SGCE: variants seen among roughly 807,000 people sequenced by gnomAD.
SGCE encodes the protein epsilon-sarcoglycan.
Under a neutral mutation model 57.8 loss-of-function variants are expected in SGCE, and 26 were observed. The ratio of observed to expected loss-of-function variants is 0.45; its 90% CI spans 0.33 to 0.62. SGCE has a LOEUF of 0.62. Among genes scored for constraint, SGCE ranks in the 20% least tolerant of loss-of-function variants. The pLI, the probability that SGCE is intolerant of heterozygous loss-of-function variation, is 0.02. For missense variants in SGCE, 468 were observed against 548.6 expected, an observed-to-expected ratio of 0.85 and a Z score of 1.47; for synonymous variants, 183 against 189.5, an observed-to-expected ratio of 0.97 and a Z score of 0.28.
In SGCE at chr7:94,600,716, C is replaced by T. The variant is rs147550814; in HGVS notation, c.967G>A (p.Val323Met). Reference protein sequence around the residue: ...YYTDFLITLAVPSAVALVLFL... With the variant: ...YYTDFLITLAMPSAVALVLFL... ...AGGACCAGTGCCACTGCCGAGGGCACAGCCAGTGTAATTAGGAAATCCGTG... is the reference window on the plus strand; with the variant it reads ...AGGACCAGTGCCACTGCCGAGGGCATAGCCAGTGTAATTAGGAAATCCGTG... Residue 323 changes from valine to methionine, a missense_variant, in exon 7 of 11, where the codon GTG becomes ATG. By Grantham distance (21) the Val-to-Met change is conservative (BLOSUM62 1). Coordinates refer to ENST00000648936, the MANE Select transcript of SGCE (RefSeq NM_003919.3). 5 of 1,613,704 alleles carry T rather than the reference C, an allele frequency of 3.1e-6. No homozygotes were observed. Among genetic ancestry groups the T allele is most frequent in the Non-Finnish European group, 4.2e-6 (5 of 1,179,844 alleles).
intron 9 of SGCE, among the ~76,000 whole-genome samples, chr7:94,597,013 C>A (rs993688817): frequency 2.0e-5 from 3 of 151,988 alleles, no homozygotes; most frequent in East Asian, 3.8e-4. Flanking sequence ...TTACAATATT[C>A]TTGAAATTTT....
In SGCE at chr7:94,648,311, G is replaced by A. The variant is rs1807389862; in HGVS notation, c.109+7679C>T. 2.1e-5 allele frequency among the ~76,000 whole-genome samples: 3 copies of A among 146,298 alleles called. No individual in the cohort carries two copies. The South Asian group carries it at 6.7e-4, about 33-fold the overall frequency. Reference sequence around the variant, plus strand: ...AATCACTTGAACCCGGGAGGCGGAGGTTGCAGTGAGCCAAGACCTCATCAT... The same window carrying A: ...AATCACTTGAACCCGGGAGGCGGAGATTGCAGTGAGCCAAGACCTCATCAT... On this transcript the variant is annotated intron_variant, in intron 1 of 10. Transcript: ENST00000648936.
intron 1 of SGCE, 40 bp from the exon 2 acceptor site, chr7:94,629,881 T>C (rs1201489578): frequency 1.2e-6 from 2 of 1,606,734 alleles, no homozygotes; most frequent in Non-Finnish European, 1.7e-6. Flanking sequence ...GAAAGACAAA[T>C]AATGAGATAC....
At chr7:94,633,419 G>A (rs1298529416) in intron 1 of SGCE, among the ~76,000 whole-genome samples, 3 of 152,090 alleles carry the variant, frequency 2.0e-5, no homozygotes, top group African/African-American at 7.2e-5. Context: ...AAAGGGTTAT[G>A]TAAGCAAGTA....
chr7:94,620,699 C>T (rs1459927571), intron 4 of SGCE: 1 of 152,140 alleles, frequency 6.6e-6, no homozygotes, highest in Non-Finnish European at 1.5e-5. Context: ...TTCTTATGAT[C>T]AGTGCTACTT....
rs200926149 is a variant in SGCE at position 94,588,764 on chromosome 7, GT to G, written c.1254-33del. ...ATGATGAACATTTTTGAGTAAAACT[GT>G]TTGTTTACACACTTGTAAACAGAGA... is the stretch of plus-strand genomic sequence containing the variant. On this transcript the variant is annotated intron_variant, in intron 9 of 10. Transcript: ENST00000648936. 1,230 of 1,613,076 alleles carry G rather than the reference GT, an allele frequency of 7.6e-4. 27 individuals carry two copies. The East Asian group carries it at 0.021, about 27-fold the overall frequency.
At chr7:94,593,094 T>C (rs1797923779) in intron 9 of SGCE, among the ~76,000 whole-genome samples, 1 of 152,068 alleles carries the variant, frequency 6.6e-6, no homozygotes. Flanking sequence ...TACCATAAAG[T>C]TAGTTGTCAT....
At chr7:94,603,580 G>T in intron 5 of SGCE, 128 bp from the exon 6 acceptor site, 2 of 804,428 alleles carry the variant, frequency 2.5e-6, no homozygotes, top group Non-Finnish European at 4.1e-6. Flanking sequence ...TGAGGTAGGG[G>T]CCTCGGCTCT....
intron 5 of SGCE, 60 bp from the exon 6 acceptor site, chr7:94,603,512 A>G (rs1799599005): frequency 4.7e-6 from 7 of 1,501,028 alleles, no homozygotes; most frequent in East Asian, 4.6e-5. Flanking sequence ...CTAAAAAACA[A>G]TCCACCTTAA....
At position 94,649,484 on chromosome 7, in the gene SGCE, G is replaced by A. The variant is rs140464301; in HGVS notation, c.109+6506C>T. On this transcript the variant is annotated intron_variant, in intron 1 of 10. Coordinates refer to ENST00000648936, the MANE Select transcript of SGCE (RefSeq NM_003919.3). The stretch of plus-strand genomic sequence containing the variant: ...CAGAGCAAGCAAGCACTGCATTCAA[G>A]GAATTACAAGTAGCCGCCTGTAGAT... Among the ~76,000 whole-genome samples the A allele has an allele frequency of 5.8e-3, 891 of 152,308 alleles. 7 individuals carry two copies. The highest frequency in any genetic ancestry group is 0.02 in the African/African-American group (846 of 41,558).
chr7:94,605,934 T>G (rs950868459), intron 5 of SGCE, among the ~76,000 whole-genome samples: 2 of 152,126 alleles, frequency 1.3e-5, no homozygotes, highest in Non-Finnish European at 1.5e-5. Flanking sequence ...GTTCAAGCAA[T>G]TCTCCTGCCT....
At chr7:94,617,686 G>A (rs1468306114) in intron 5 of SGCE, 1 of 152,184 alleles carries the variant, frequency 6.6e-6, no homozygotes, top group African/African-American at 2.4e-5. Flanking sequence ...TTCTATGTAT[G>A]CTTGACTGAT....
At chr7:94,639,629 C>A (rs904543834) in intron 1 of SGCE, among the ~76,000 whole-genome samples, 2 of 152,172 alleles carry the variant, frequency 1.3e-5, no homozygotes, top group African/African-American at 4.8e-5. Flanking sequence ...GGATACAAGA[C>A]AACCAAGGCA....
At chr7:94,598,586 G>T (rs1158089963) in intron 9 of SGCE, 189 bp downstream of exon 9, 1 of 606,834 alleles carries the variant, frequency 1.6e-6, no homozygotes, top group Admixed American at 2.6e-5. Flanking sequence ...GGGAAAAAAA[G>T]TGCATTTCCT....
At chr7:94,610,809 A>G (rs547898122) in intron 5 of SGCE, among the ~76,000 whole-genome samples, 17 of 152,340 alleles carry the variant, frequency 1.1e-4, no homozygotes, top group Admixed American at 9.8e-4. Context: ...TTAATCAAAA[A>G]ATGAATAATT....
intron 10 of SGCE, chr7:94,587,868 C>A: frequency 6.6e-7 from 1 of 1,522,326 alleles, no homozygotes; most frequent in East Asian, 2.6e-5. Context: ...AAACATCCAA[C>A]ACATTTCTGA....
intron 9 of SGCE, among the ~76,000 whole-genome samples, chr7:94,591,686 T>C (rs973145175): frequency 1.3e-5 from 2 of 152,168 alleles, no homozygotes; most frequent in African/African-American, 4.8e-5. Context: ...TGGAAACCAC[T>C]GATCAAAGTC....
At chr7:94,631,580 A>C (rs1054675732) in intron 1 of SGCE, among the ~76,000 whole-genome samples, 3 of 151,964 alleles carry the variant, frequency 2.0e-5, no homozygotes, top group Non-Finnish European at 4.4e-5. Flanking sequence ...GGATTCTGAA[A>C]CTCAGAGATG....
At position 94,650,533 on chromosome 7, in the gene SGCE, TTGCAGCTATTTTCAAGTTGTAAGAAA is replaced by T. The variant is rs1235917844; in HGVS notation, c.109+5431_109+5456del. Among the ~76,000 whole-genome samples the T allele has an allele frequency of 4.6e-5, 7 of 152,316 alleles. No homozygotes were observed. In the East Asian group the frequency reaches 1.3e-3, roughly 29 times the overall value. ...GGAGGGTGTGTGTTAAATTACCCTG[TTGCAGCTATTTTCAAGTTGTAAGAAA>T]TGAACTTGCAACACATAGGGCTATT... On this transcript the variant is annotated intron_variant, in intron 1 of 10. Transcript: ENST00000648936.
Sources: gnomAD v4.1 joint callset for allele counts (sites outside exome capture counted in the v4.1 genomes callset) on GRCh38, gnomAD v4.1.1 for gene constraint, MANE v1.5 for transcripts, NCBI Gene and HGNC (gene_info 2026-07-23, HGNC 2026-07-21) for gene names.